Variants in PTCH1 observed in about 807,000 individuals in gnomAD.
The protein encoded by PTCH1 is protein patched homolog 1.
A neutral mutation model predicts 144.6 loss-of-function variants in PTCH1; 14 were observed. The ratio of observed to expected loss-of-function variants is 0.10; its 90% CI spans 0.06 to 0.15. The LOEUF (loss-of-function observed/expected upper bound fraction) is 0.15. Ranked by LOEUF, PTCH1 falls within the 10% of genes least tolerant of loss-of-function variation. The probability of loss-of-function intolerance (pLI) is 1.00; values close to 1 mark genes in which losing one functional copy is unlikely to be tolerated. For synonymous variants in PTCH1, 833 were observed against 793.6 expected, an observed-to-expected ratio of 1.05 and a Z score of -0.83; for missense variants, 1,623 against 1,948.3, an observed-to-expected ratio of 0.83 and a Z score of 3.14.
chr9:95,483,513 T>A (rs1841734518), intron 3 of PTCH1: 1 of 152,158 alleles, frequency 6.6e-6, no homozygotes, highest in African/African-American at 2.4e-5. Flanking sequence ...AGGAGCTTAC[T>A]GTGTCCTCTT....
Position 95,508,299 on chromosome 9 carries a change from G to C in PTCH1, c.63C>G (p.Ile21Met), listed in dbSNP as rs1284183739. Residue 21 changes from isoleucine to methionine, a missense_variant, in exon 1 of 24, where the codon ATC (isoleucine) becomes ATG (methionine). Physicochemically the swap from Ile to Met is conservative, Grantham distance 10. Coordinates refer to ENST00000331920, the MANE Select transcript of PTCH1 (RefSeq NM_000264.5). ...CTCCAGCCGGCCGTCCCGGGGCACC[G>C]ATACAGCCGCTGCCGCCGCCGCCGC... is the stretch of plus-strand genomic sequence containing the variant. Reference protein sequence around the residue: ...QDRGGGGSGCIGAPGRPAGGG... With the variant: ...QDRGGGGSGCMGAPGRPAGGG... 4.8e-6 allele frequency: 7 copies of C among 1,451,790 alleles called. No homozygotes were observed. The highest frequency in any genetic ancestry group is 1.4e-5 in the South Asian group (1 of 70,122). 89.9% of individuals were successfully genotyped at this position (1,451,790 alleles called of 1,614,324 possible). A position where few individuals can be genotyped will look rare whatever the true frequency, so the allele number is the denominator to read the frequency against.
chr9:95,463,215 G>A (rs1009619755), intron 15 of PTCH1, among the ~76,000 whole-genome samples: 7 of 152,132 alleles, frequency 4.6e-5, no homozygotes, highest in Admixed American at 6.5e-5. Flanking sequence ...TTAAGCTCTT[G>A]GGGTCTGAAG....
chr9:95,508,076 A>T (rs919354329), intron 1 of PTCH1, 85 bp downstream of exon 1: 42 of 1,586,198 alleles, frequency 2.6e-5, no homozygotes, highest in Middle Eastern at 1.7e-4. Context: ...AGAGGAAGAG[A>T]GTGTGTGTGT....
chr9:95,476,899 T>G lies in PTCH1; in HGVS notation c.1504-42A>C. On this transcript the variant is annotated intron_variant, in intron 10 of 23. Transcript: ENST00000331920. The surrounding 1 kb of genome is among the most constrained non-coding windows in gnomAD (Gnocchi z 4.6). ...GGATGGTGGCATTAGACATGCGAGA[T>G]GCAATTCAGATGATTCTAAAGCTAG... 6.4e-7 allele frequency: 1 copy of G among 1,573,072 alleles called. No homozygotes were observed. Among genetic ancestry groups the G allele is most frequent in the Non-Finnish European group, 8.7e-7 (1 of 1,146,568 alleles).
At chr9:95,510,510 A>G (rs991301805), upstream of PTCH1, among the ~76,000 whole-genome samples, 2 of 152,074 alleles carry the variant, frequency 1.3e-5, no homozygotes, top group African/African-American at 4.8e-5. Flanking sequence ...TTTATTTAAA[A>G]AAATTTTTGT....
intron 23 of PTCH1, 77 bp downstream of exon 23, chr9:95,446,834 C>G: frequency 6.3e-7 from 1 of 1,596,486 alleles, no homozygotes. Flanking sequence ...TCGGGGATGC[C>G]GAGAACCCCA....
chr9:95,506,513 T>C lies in PTCH1; in HGVS notation c.288A>G (p.Lys96=), dbSNP rs1843659466. 1 of 1,613,780 alleles carries C rather than the reference T, an allele frequency of 6.2e-7. No homozygotes were observed. Among genetic ancestry groups the C allele is most frequent in the Non-Finnish European group, 8.5e-7 (1 of 1,179,822 alleles). Residue 96 remains lysine, a synonymous_variant, in exon 2 of 24, where the codon AAA becomes AAG. Transcript: ENST00000331920. ...CCACAACCAAGAACTTGCCGCAGTT[T>C]TTTTGAATGTAACAACCCAGTTTAA... The part of the protein sequence containing the change: ...LLFKLGCYIQ[K]NCGKFLVVGL...
At position 95,458,432 on chromosome 9, in the gene PTCH1, T is replaced by C. The variant is rs141365137; in HGVS notation, c.2888-139A>G. 7.5e-4 allele frequency: 842 copies of C among 1,120,140 alleles called. 2 individuals are homozygous for C. The African/African-American group carries it at 0.011, about 14-fold the overall frequency. The allele number at this position is 1,120,140 out of a possible 1,614,324, so 69.4% of individuals were successfully genotyped here. On this transcript the variant is annotated intron_variant, in intron 17 of 23. Coordinates refer to ENST00000331920, the MANE Select transcript of PTCH1 (RefSeq NM_000264.5). This position sits in a 1 kb window ranked among gnomAD's most constrained non-coding sequence, Gnocchi z 4.7. ...TACAAAGAACAAACAATGCTGATCA[T>C]AGCCTCCAGGCCTTTACGATCTTCC... is the stretch of plus-strand genomic sequence containing the variant.
chr9:95,447,300 C>T lies in PTCH1; in HGVS notation c.3956G>A (p.Arg1319His), dbSNP rs572658914. Residue 1319 changes from arginine to histidine, a missense_variant, in exon 23 of 24, where the codon CGC (arginine) becomes CAC (histidine). Transcript: ENST00000331920. Reference sequence around the variant, plus strand: ...AGTAGAAATTTCAAAAGCGTCTCTGCGCGGTCTGTAGGGGGGTGGCCACAA... The same window carrying T: ...AGTAGAAATTTCAAAAGCGTCTCTGTGCGGTCTGTAGGGGGGTGGCCACAA... ...EGLWPPPYRP[R>H]RDAFEISTEG... 4.6e-5 allele frequency: 75 copies of T among 1,613,112 alleles called. No homozygotes were observed. The highest frequency in any genetic ancestry group is 5.8e-5 in the Non-Finnish European group (68 of 1,179,958).
intron 22 of PTCH1, among the ~76,000 whole-genome samples, chr9:95,447,695 G>C (rs1348390004): frequency 6.6e-6 from 1 of 152,206 alleles, no homozygotes; most frequent in African/African-American, 2.4e-5. Context: ...GACACGTACT[G>C]CTGCTGCCCA....
Position 95,449,306 on chromosome 9 carries a change from G to T in PTCH1, c.3567C>A (p.Gly1189=). ...GPYPEVSPAN[G]LNRLPTPSPE... Reference sequence around the variant, plus strand: ...GGGAGGGTGTGGGCAGGCGGTTCAAGCCGTTGGCTGGAGACACCTATTTAA... The same window carrying T: ...GGGAGGGTGTGGGCAGGCGGTTCAATCCGTTGGCTGGAGACACCTATTTAA... Residue 1189 remains glycine, a synonymous_variant, in exon 22 of 24, where the codon GGC becomes GGA. Coordinates refer to ENST00000331920, the MANE Select transcript of PTCH1 (RefSeq NM_000264.5). This position sits in a 1 kb window ranked among gnomAD's most constrained non-coding sequence, Gnocchi z 5.3. 1 of 1,552,730 alleles carries T rather than the reference G, an allele frequency of 6.4e-7. No homozygotes were observed.
intron 5 of PTCH1, among the ~76,000 whole-genome samples, chr9:95,481,208 G>A (rs535270253): frequency 8.5e-5 from 13 of 152,256 alleles, no homozygotes; most frequent in African/African-American, 3.1e-4. Context: ...TGCTTAACCA[G>A]GCTGAAGTCA....
rs755755175 is a variant in PTCH1, at chr9:95,458,115, G to A, written c.3066C>T (p.Ile1022=). ...GYPFLFWEQY[I]GLRHWLLLFI... Reference sequence around the variant, plus strand: ...ACAGCAGCAGCCAGTGGCGGAGGCCGATGTACTGCTCCCAGAAGAGGAAGG... The same window carrying A: ...ACAGCAGCAGCCAGTGGCGGAGGCCAATGTACTGCTCCCAGAAGAGGAAGG... The change falls in exon 18 of 24, where the codon ATC becomes ATT. Residue 1022 remains isoleucine, a synonymous_variant. Transcript: ENST00000331920. This position sits in a 1 kb window ranked among gnomAD's most constrained non-coding sequence, Gnocchi z 4.7. The A allele has an allele frequency of 1.8e-5, 29 of 1,614,110 alleles. No individual in the cohort carries two copies. Among genetic ancestry groups the A allele is most frequent in the African/African-American group, 2.7e-5 (2 of 74,944 alleles).
chr9:95,497,511 A>G (rs1448702526), intron 2 of PTCH1, among the ~76,000 whole-genome samples: 1 of 152,126 alleles, frequency 6.6e-6, no homozygotes, highest in Non-Finnish European at 1.5e-5. Context: ...TGGAAGGTGC[A>G]CCCACCCGGG....
upstream of PTCH1, among the ~76,000 whole-genome samples, chr9:95,511,859 CT>C (rs1844174756): frequency 6.6e-6 from 1 of 152,186 alleles, no homozygotes; most frequent in Admixed American, 6.5e-5. Context: ...GGTAGTACCC[CT>C]AGTTTTGCAT....
chr9:95,481,908 A>G, intron 5 of PTCH1, 41 bp downstream of exon 5: 1 of 1,492,042 alleles, frequency 6.7e-7, no homozygotes, highest in Non-Finnish European at 9.4e-7. Flanking sequence ...ACTGAGTCCT[A>G]GAGAAGTCAC....
chr9:95,485,669 A>C lies in PTCH1; in HGVS notation c.584+16T>G. 1 of 1,613,970 alleles carries C rather than the reference A, an allele frequency of 6.2e-7. No individual in the cohort carries two copies. The highest frequency in any genetic ancestry group is 8.5e-7 in the Non-Finnish European group (1 of 1,179,886). On this transcript the variant is annotated intron_variant, in intron 3 of 23. Coordinates refer to ENST00000331920, the MANE Select transcript of PTCH1 (RefSeq NM_000264.5). Reference sequence around the variant, plus strand: ...TTACCTGCTGCTCATTAGTAGGTGGACGCGGCGGGCCTTACCTGTTGTACA... The same window carrying C: ...TTACCTGCTGCTCATTAGTAGGTGGCCGCGGCGGGCCTTACCTGTTGTACA...
At chr9:95,516,951 A>C in exon 1 of PTCH1, 1 of 728,614 alleles carries the variant, frequency 1.4e-6, no homozygotes, top group Non-Finnish European at 2.1e-6. Flanking sequence ...TGCTATCAGC[A>C]CAGCCCTCCT....
Position 95,458,568 on chromosome 9 carries a change from T to C in PTCH1, c.2888-275A>G, listed in dbSNP as rs2136664512. On this transcript the variant is annotated intron_variant, in intron 17 of 23. Coordinates refer to ENST00000331920, the MANE Select transcript of PTCH1 (RefSeq NM_000264.5). This position sits in a 1 kb window ranked among gnomAD's most constrained non-coding sequence, Gnocchi z 4.7. ...GGTCTAAAAACTCCAGGCTTACATT[T>C]TGGGAACATTTTTTTGTTCCCTTGA... 6.6e-6 allele frequency among the ~76,000 whole-genome samples: 1 copy of C among 152,330 alleles called. No individual in the cohort carries two copies. The highest frequency in any genetic ancestry group is 2.1e-4 in the South Asian group (1 of 4,820).
Sources: allele counts gnomAD v4.1 joint callset (sites outside exome capture counted in the v4.1 genomes callset), GRCh38; gene constraint gnomAD v4.1.1; non-coding constraint Gnocchi (gnomAD v3.1); transcripts MANE v1.5; gene names NCBI Gene and HGNC (gene_info 2026-07-23, HGNC 2026-07-21).